EXOSC8: variants seen among roughly 807,000 people sequenced by gnomAD.
EXOSC8 encodes exosome complex component RRP43.
In EXOSC8, 37 loss-of-function variants were observed where a neutral mutation model predicts 39.9. The ratio of observed to expected loss-of-function variants is 0.93; its 90% CI spans 0.71 to 1.22. EXOSC8 has a LOEUF of 1.22. EXOSC8 is among the 50% of genes most tolerant of loss of function. The probability of loss-of-function intolerance (pLI) is 0.00; values close to 1 mark genes in which losing one functional copy is unlikely to be tolerated. For missense variants in EXOSC8, 313 were observed against 326.6 expected (o/e 0.96, Z 0.32); for synonymous variants, 93 against 109.5 (o/e 0.85, Z 0.94).
Position 37,000,813 on chromosome 13 carries a change from CTGGGTTCAAGTGAGTGTTGGCGGG to C in EXOSC8, c.12_17+18del. The C allele has an allele frequency of 6.3e-7, 1 of 1,582,680 alleles. No individual in the cohort carries two copies. On this transcript the variant is annotated splice_donor_variant and splice_donor_5th_base_variant and coding_sequence_variant and intron_variant, in exon 1 of 11. Transcript: ENST00000389704. LOFTEE classifies it high-confidence loss of function. The stretch of plus-strand genomic sequence containing the variant: ...AGACGCGCGGGCGGGAAGATGGCGG[CTGGGTTCAAGTGAGTGTTGGCGGG>C]TGGCGGGTAGAGTTCTGTACCCTGG...
At chr13:37,009,080 T>TGTAATGC in intron 10 of EXOSC8, 104 bp from the exon 11 acceptor site, 1 of 784,356 alleles carries the variant, frequency 1.3e-6, no homozygotes, top group Non-Finnish European at 2.1e-6. Context: ...TGTACCCTGA[T>TGTAATGC]TTACATTATC....
In EXOSC8 at chr13:37,009,513, G is replaced by C; in HGVS notation, c.*214G>C. 1.0e-6 allele frequency: 1 copy of C among 996,030 alleles called. No homozygotes were observed. The highest frequency in any genetic ancestry group is 1.5e-6 in the Non-Finnish European group (1 of 666,672). 61.7% of individuals were successfully genotyped at this position (996,030 alleles called of 1,614,324 possible). On this transcript the variant is annotated 3_prime_UTR_variant, in exon 11 of 11. Coordinates refer to ENST00000389704, the MANE Select transcript of EXOSC8 (RefSeq NM_181503.3). ...CCCTAGTTTGTTAAACCATTTCCCT[G>C]TTTTTATTTAAAAATGATAAGGTTG...
chr13:37,003,510 C>CT (rs1566074069), intron 4 of EXOSC8: 1 of 154,872 alleles, frequency 6.5e-6, no homozygotes, highest in Non-Finnish European at 1.4e-5. Flanking sequence ...TTTCAGTAAC[C>CT]TGTCCAGGTA....
At chr13:37,007,170 T>G (rs1242735028) in intron 8 of EXOSC8, 99 bp downstream of exon 8, 7 of 752,260 alleles carry the variant, frequency 9.3e-6, no homozygotes, top group East Asian at 5.2e-5. Context: ...GCTTCCAAAT[T>G]AATGAATGTA....
At chr13:37,002,788 T>C in intron 3 of EXOSC8, 146 bp from the exon 4 acceptor site, 1 of 681,692 alleles carries the variant, frequency 1.5e-6, no homozygotes, top group East Asian at 2.7e-5. Flanking sequence ...AAATCAATTA[T>C]TCTAACTTGA....
At chr13:37,005,099 T>C (rs1166981838) in intron 5 of EXOSC8, among the ~76,000 whole-genome samples, 3 of 152,034 alleles carry the variant, frequency 2.0e-5, no homozygotes, top group African/African-American at 7.2e-5. Flanking sequence ...AGTGACAGAG[T>C]GAAACCCTGT....
At chr13:37,004,582 A>G (rs2059126408) in intron 5 of EXOSC8, 21 bp downstream of exon 5, 8 of 1,502,624 alleles carry the variant, frequency 5.3e-6, no homozygotes, top group Admixed American at 1.7e-5. Flanking sequence ...TGGTTTTGTA[A>G]TTTTAATACA....
At chr13:37,002,336 G>A (rs2059111907) in intron 2 of EXOSC8, 27 bp downstream of exon 2, 1 of 1,575,878 alleles carries the variant, frequency 6.3e-7, no homozygotes, top group Non-Finnish European at 8.7e-7. Context: ...TACATGTTAT[G>A]CGTTTTGATA....
chr13:37,001,309 T>C (rs1342201553), intron 1 of EXOSC8, among the ~76,000 whole-genome samples: 1 of 152,100 alleles, frequency 6.6e-6, no homozygotes, highest in Non-Finnish European at 1.5e-5. Context: ...CTCAGGAGGC[T>C]GAGGCAGGAG....
At chr13:37,004,337 T>G (rs2138846476) in intron 4 of EXOSC8, 179 bp from the exon 5 acceptor site, 1 of 576,024 alleles carries the variant, frequency 1.7e-6, no homozygotes, top group East Asian at 2.9e-5. Context: ...TAGTCCACTG[T>G]ACTGTAGTGC....
rs1200714187 is a variant in EXOSC8, at chr13:37,005,660, G to A, written c.239-260G>A. On this transcript the variant is annotated intron_variant, in intron 5 of 10. Transcript: ENST00000389704. ...AGGCGGGCGGATCACGAGGTCAGGC[G>A]ATCGAGACCATCTTGGCCAATATGG... Among the ~76,000 whole-genome samples the A allele has an allele frequency of 2.6e-5, 4 of 151,922 alleles. No homozygotes were observed. The East Asian group carries it at 7.7e-4, about 29-fold the overall frequency.
In EXOSC8 at chr13:37,002,265, T is replaced by A; in HGVS notation, c.18-8T>A. On this transcript the variant is annotated splice_region_variant and splice_polypyrimidine_tract_variant and intron_variant, in intron 1 of 10. Transcript: ENST00000389704. ...TTATCTCAGATATATTTTTAACACG[T>A]GTTTCAGAACCGTGGAACCTCTGGA... is the stretch of plus-strand genomic sequence containing the variant. The A allele has an allele frequency of 6.2e-7, 1 of 1,601,692 alleles. No individual in the cohort carries two copies. Among genetic ancestry groups the A allele is most frequent in the Non-Finnish European group, 8.6e-7 (1 of 1,169,506 alleles).
At chr13:37,002,715 A>T (rs142795092) in intron 3 of EXOSC8, among the ~76,000 whole-genome samples, 164 bp downstream of exon 3, 38 of 152,358 alleles carry the variant, frequency 2.5e-4, no homozygotes, top group African/African-American at 9.1e-4. Flanking sequence ...ATGAAAAATG[A>T]TTAACACAAA....
intron 4 of EXOSC8, chr13:37,003,256 T>G (rs1283419051): frequency 2.4e-6 from 1 of 425,104 alleles, no homozygotes; most frequent in Non-Finnish European, 4.2e-6. Context: ...AAAAAAATTG[T>G]TATATCATTT....
intron 7 of EXOSC8, among the ~76,000 whole-genome samples, chr13:37,006,451 T>C (rs1341820038): frequency 6.6e-6 from 1 of 152,174 alleles, no homozygotes. Context: ...TTATTCCTTA[T>C]AGCAGATTAT....
In EXOSC8 at chr13:37,000,857, C is replaced by A. The variant is rs572555597; in HGVS notation, c.17+35C>A. 7.0e-5 allele frequency: 105 copies of A among 1,490,836 alleles called. No homozygotes were observed. The South Asian group carries it at 1.2e-3, about 17-fold the overall frequency. 92.4% of individuals were successfully genotyped at this position (1,490,836 alleles called of 1,614,324 possible). A position where few individuals can be genotyped will look rare whatever the true frequency, so the allele number is the denominator to read the frequency against. On this transcript the variant is annotated intron_variant, in intron 1 of 10. Coordinates refer to ENST00000389704, the MANE Select transcript of EXOSC8 (RefSeq NM_181503.3). ...GGCGGGTGGCGGGTAGAGTTCTGTA[C>A]CCTGGCGGACGGCAGCTTCCTTTAA...
intron 7 of EXOSC8, among the ~76,000 whole-genome samples, chr13:37,006,691 AT>A (rs2059141466): frequency 6.6e-6 from 1 of 152,200 alleles, no homozygotes; most frequent in Admixed American, 6.5e-5. Context: ...TAACCTCCCA[AT>A]GAGAATGGAA....
chr13:37,001,523 C>T (rs1041464429), intron 1 of EXOSC8: 6 of 152,080 alleles, frequency 3.9e-5, no homozygotes, highest in African/African-American at 1.4e-4. Context: ...GTGTGTGAAG[C>T]CAGTGGACTT....
chr13:37,001,976 C>A (rs1320229446), intron 1 of EXOSC8, among the ~76,000 whole-genome samples: 2 of 152,108 alleles, frequency 1.3e-5, no homozygotes, highest in African/African-American at 4.8e-5. Flanking sequence ...ATCACTAGAT[C>A]ACTCTGAATC....
Sources: allele counts gnomAD v4.1 joint callset (sites outside exome capture counted in the v4.1 genomes callset), GRCh38; gene constraint gnomAD v4.1.1; transcripts MANE v1.5; gene names NCBI Gene and HGNC (gene_info 2026-07-23, HGNC 2026-07-21).